C13orf46: variants seen among roughly 807,000 people sequenced by gnomAD.
C13orf46 encodes the protein chromosome 13 open reading frame 46.
At chr13:113,956,991 G>A (rs1257920243) in intron 6 of C13orf46, among the ~76,000 whole-genome samples, 152 bp from the exon 7 acceptor site, 5 of 152,158 alleles carry the variant, frequency 3.3e-5, no homozygotes, top group South Asian at 2.1e-4. Flanking sequence ...AGTGCACTGG[G>A]GAGTCTCCCC....
the C13orf46 span, among the ~76,000 whole-genome samples, chr13:113,937,572 G>A: frequency 6.6e-6 from 1 of 152,194 alleles, no homozygotes; most frequent in African/African-American, 2.4e-5. Context: ...TTTTGCCAAA[G>A]TTCAGGACGC....
chr13:113,933,436 A>G, the C13orf46 span, among the ~76,000 whole-genome samples: 2 of 152,218 alleles, frequency 1.3e-5, no homozygotes, highest in Non-Finnish European at 2.9e-5. Context: ...ATCAAGTAAT[A>G]TAAATTCTTC....
chr13:113,947,177 G>A, the C13orf46 span, among the ~76,000 whole-genome samples: 1 of 152,238 alleles, frequency 6.6e-6, no homozygotes, highest in East Asian at 1.9e-4. Context: ...GTGCTTGGAG[G>A]AAACGCTGTA....
chr13:113,963,710 A>G (rs1317931280), intron 6 of C13orf46, among the ~76,000 whole-genome samples: 1 of 130,232 alleles, frequency 7.7e-6, no homozygotes, highest in Non-Finnish European at 1.8e-5. Flanking sequence ...AGCTGCAGCC[A>G]CTGTCCTCAG....
chr13:113,970,458 C>G (rs2052692130), intron 1 of C13orf46: 1 of 152,340 alleles, frequency 6.6e-6, no homozygotes, highest in South Asian at 2.1e-4. Flanking sequence ...CAGCTCAGCC[C>G]ACACCTGGGC....
chr13:113,937,228 A>T, the C13orf46 span, among the ~76,000 whole-genome samples: 1 of 152,186 alleles, frequency 6.6e-6, no homozygotes, highest in Non-Finnish European at 1.5e-5. Flanking sequence ...TGCCTGTGGC[A>T]TCCCCGGTCC....
intron 6 of C13orf46, among the ~76,000 whole-genome samples, chr13:113,958,598 G>A (rs1018382058): frequency 1.3e-5 from 2 of 152,224 alleles, no homozygotes; most frequent in African/African-American, 4.8e-5. Flanking sequence ...AGCCCCCGCC[G>A]CCTGTCCAGG....
chr13:113,942,730 G>A, the C13orf46 span, among the ~76,000 whole-genome samples: 2 of 152,206 alleles, frequency 1.3e-5, no homozygotes, highest in Admixed American at 1.3e-4. Context: ...GGCGCGGTAG[G>A]AACCCCTGGG....
At chr13:113,966,189 A>G (rs1001521909) in intron 5 of C13orf46, among the ~76,000 whole-genome samples, 20 of 125,094 alleles carry the variant, frequency 1.6e-4, no homozygotes, top group East Asian at 6.9e-4. Flanking sequence ...GATGATGGTG[A>G]TGATGGTCAT....
intron 1 of C13orf46, among the ~76,000 whole-genome samples, chr13:113,971,602 C>T (rs75367912): frequency 6.6e-6 from 1 of 152,208 alleles, no homozygotes; most frequent in Admixed American, 6.5e-5. Context: ...CCGCATGGCC[C>T]AGGCCCAGAC....
At chr13:113,950,405 C>T (rs1433890701), downstream of C13orf46, among the ~76,000 whole-genome samples, 1 of 142,046 alleles carries the variant, frequency 7.0e-6, no homozygotes, top group Non-Finnish European at 1.6e-5. Context: ...TCATCACCCC[C>T]ACCTTGGGGA....
downstream of C13orf46, among the ~76,000 whole-genome samples, chr13:113,952,558 G>A (rs991012628): frequency 6.6e-6 from 1 of 152,358 alleles, no homozygotes; most frequent in East Asian, 1.9e-4. Context: ...GGGGCCAGTG[G>A]GGACTGAGGA....
At chr13:113,948,172 A>T in the C13orf46 span, among the ~76,000 whole-genome samples, 4 of 152,226 alleles carry the variant, frequency 2.6e-5, no homozygotes, top group African/African-American at 9.6e-5. Flanking sequence ...GAGGAGTCAC[A>T]TAGACATGAC....
chr13:113,941,497 T>C, the C13orf46 span, among the ~76,000 whole-genome samples: 1 of 150,722 alleles, frequency 6.6e-6, no homozygotes, highest in African/African-American at 2.5e-5. Context: ...AGGCTGAGCG[T>C]TCGAGACCCT....
the C13orf46 span, among the ~76,000 whole-genome samples, chr13:113,946,790 G>T: frequency 6.6e-6 from 1 of 152,256 alleles, no homozygotes; most frequent in Admixed American, 6.5e-5. Context: ...CTGACTGCTC[G>T]CTGGCCGAGG....
At chr13:113,943,265 C>G in the C13orf46 span, among the ~76,000 whole-genome samples, 1 of 152,162 alleles carries the variant, frequency 6.6e-6, no homozygotes, top group African/African-American at 2.4e-5. Flanking sequence ...CAGAGAGTAG[C>G]TTGCTTTTAT....
Position 113,954,792 on chromosome 13 carries a change from G to A in C13orf46, c.*1981C>T, listed in dbSNP as rs963931911. ...CTGGAGTCCTCCAGCTGGTGGAGAC[G>A]AGGAGCAGCTGGTGGAGACGAGGAG... is the stretch of plus-strand genomic sequence containing the variant. On this transcript the variant is annotated 3_prime_UTR_variant, in exon 7 of 7. Transcript: ENST00000636427. 22 of 202,928 alleles carry A rather than the reference G, an allele frequency of 1.1e-4. No individual in the cohort carries two copies. The highest frequency in any genetic ancestry group is 3.5e-4 in the Admixed American group (6 of 16,952). 12.6% of individuals were successfully genotyped at this position (202,928 alleles called of 1,614,324 possible). A position where few individuals can be genotyped will look rare whatever the true frequency, so the allele number is the denominator to read the frequency against.
At chr13:113,953,270 C>T (rs965986436), downstream of C13orf46, among the ~76,000 whole-genome samples, 21 of 152,244 alleles carry the variant, frequency 1.4e-4, no homozygotes, top group African/African-American at 1.7e-4. Context: ...CGTGTGCCTG[C>T]GCCACGGAAA....
At chr13:113,967,896 G>A (rs1390474167) in intron 4 of C13orf46, among the ~76,000 whole-genome samples, 1 of 152,180 alleles carries the variant, frequency 6.6e-6, no homozygotes, top group Non-Finnish European at 1.5e-5. Context: ...GCTGTCCCAA[G>A]GCCTCCAACG....
Sources: allele counts gnomAD v4.1 joint callset (sites outside exome capture counted in the v4.1 genomes callset), GRCh38; gene constraint gnomAD v4.1.1; transcripts MANE v1.5; gene names NCBI Gene and HGNC (gene_info 2026-07-23, HGNC 2026-07-21).